Variants in AKAP9 observed in about 807,000 individuals in gnomAD.
AKAP9 encodes the protein A-kinase anchoring protein 9.
A neutral mutation model predicts 488.5 loss-of-function variants in AKAP9; 311 were observed. That is an observed-to-expected ratio of 0.64 (90% confidence interval 0.58 to 0.70). The LOEUF (loss-of-function observed/expected upper bound fraction) is 0.70. Ranked by LOEUF, AKAP9 falls within the 30% of genes least tolerant of loss-of-function variation. The probability of loss-of-function intolerance (pLI) is 0.00; values close to 1 mark genes in which losing one functional copy is unlikely to be tolerated. For missense variants in AKAP9, 4,215 were observed against 4,374.5 expected (o/e 0.96, Z 1.03); for synonymous variants, 1,462 against 1,483.5 (o/e 0.99, Z 0.33).
At chr7:92,095,929 C>G (rs1387365165) in intron 40 of AKAP9, among the ~76,000 whole-genome samples, 1 of 152,114 alleles carries the variant, frequency 6.6e-6, no homozygotes, top group African/African-American at 2.4e-5. Context: ...GTTATTTGCC[C>G]CTAACCTTGC....
chr7:91,993,152 T>C, intron 5 of AKAP9, 97 bp downstream of exon 5: 1 of 1,361,284 alleles, frequency 7.3e-7, no homozygotes, highest in South Asian at 1.3e-5. Flanking sequence ...TTTTTAAAAT[T>C]TTTTTTTAAC....
chr7:92,048,286 G>A (rs1033544727), intron 21 of AKAP9, among the ~76,000 whole-genome samples: 1 of 152,060 alleles, frequency 6.6e-6, no homozygotes, highest in Non-Finnish European at 1.5e-5. Flanking sequence ...TCAGCCTTCA[G>A]GTCTGAACTT....
chr7:91,954,041 T>G (rs1018619373), intron 1 of AKAP9, among the ~76,000 whole-genome samples: 1 of 151,964 alleles, frequency 6.6e-6, no homozygotes, highest in Non-Finnish European at 1.5e-5. Flanking sequence ...AAAGAGAGGG[T>G]TATTGTAAAG....
Position 92,084,703 on chromosome 7 carries a change from G to A in AKAP9, c.8710G>A (p.Asp2904Asn). The A allele has an allele frequency of 6.2e-7, 1 of 1,609,926 alleles. No homozygotes were observed. Among genetic ancestry groups the A allele is most frequent in the Non-Finnish European group, 8.5e-7 (1 of 1,176,746 alleles). ...AYQTREICSSDSGSDWGQGIY... is the reference protein window; with the variant it reads ...AYQTREICSSNSGSDWGQGIY... Reference sequence around the variant, plus strand: ...CCAGACTAGAGAAATATGCTCCAGTGGTAAGTTATATAAATATTTGTAATG... The same window carrying A: ...CCAGACTAGAGAAATATGCTCCAGTAGTAAGTTATATAAATATTTGTAATG... Residue 2904 changes from aspartate to asparagine, a missense_variant and splice_region_variant, in exon 34 of 50, where the codon GAT (aspartate) becomes AAT (asparagine). Physicochemically the swap from Asp to Asn is conservative, Grantham distance 23 (BLOSUM62 1). Coordinates refer to ENST00000356239, the MANE Select transcript of AKAP9 (RefSeq NM_005751.5).
chr7:92,091,604 A>AC (rs1563128726), intron 38 of AKAP9, among the ~76,000 whole-genome samples: 6 of 151,190 alleles, frequency 4.0e-5, no homozygotes, highest in Admixed American at 6.6e-5. Context: ...AAAACAAAAA[A>AC]AAAAAACAAA....
chr7:92,060,004 G>T (rs770671540), intron 22 of AKAP9, among the ~76,000 whole-genome samples: 2 of 151,802 alleles, frequency 1.3e-5, no homozygotes, highest in Non-Finnish European at 2.9e-5. Context: ...TTGCAAATAA[G>T]TTATAAGTGA....
intron 16 of AKAP9, 64 bp downstream of exon 16, chr7:92,031,668 A>G: frequency 7.9e-7 from 1 of 1,265,682 alleles, no homozygotes; most frequent in South Asian, 1.2e-5. Context: ...TTCAAAAAGA[A>G]CATAGATTTT....
chr7:92,077,181 C>T (rs1351499281), intron 29 of AKAP9, among the ~76,000 whole-genome samples, 174 bp downstream of exon 29: 10 of 144,204 alleles, frequency 6.9e-5, no homozygotes, highest in South Asian at 2.2e-4. Flanking sequence ...TTGCAAGCTC[C>T]GCCTCCCTGG....
At chr7:92,026,568 C>T (rs891336913) in intron 14 of AKAP9, among the ~76,000 whole-genome samples, 18 of 152,152 alleles carry the variant, frequency 1.2e-4, no homozygotes, top group Non-Finnish European at 2.6e-4. Context: ...CTCCTGACCT[C>T]GAGTGATCTG....
chr7:92,058,268 T>G, intron 22 of AKAP9: 2 of 587,248 alleles, frequency 3.4e-6, no homozygotes, highest in South Asian at 1.4e-5. Flanking sequence ...TCGCGTGCCT[T>G]TACCACATCC....
chr7:92,040,727 G>A lies in AKAP9; in HGVS notation c.4746G>A (p.Leu1582=). 6.3e-7 allele frequency: 1 copy of A among 1,599,780 alleles called. No individual in the cohort carries two copies. Among genetic ancestry groups the A allele is most frequent in the South Asian group, 1.1e-5 (1 of 90,722 alleles). The part of the protein sequence containing the change: ...SSMDASRQLM[L]NEEQLEDMRQ... ...TGGATGCTTCTAGACAACTAATGTT[G>A]AATGAAGAACAGTTGGAAGATATGA... Residue 1582 remains leucine (L), a synonymous_variant, in exon 18 of 50, where the codon TTG becomes TTA. Coordinates refer to ENST00000356239, the MANE Select transcript of AKAP9 (RefSeq NM_005751.5).
intron 31 of AKAP9, among the ~76,000 whole-genome samples, chr7:92,081,497 A>ATGTT (rs1370452281): frequency 1.2e-5 from 1 of 85,380 alleles, no homozygotes; most frequent in African/African-American, 4.0e-5. Context: ...ATATATATAT[A>ATGTT]TTTTTTTTTT....
At chr7:91,998,665 T>G (rs950871465) in intron 7 of AKAP9, among the ~76,000 whole-genome samples, 2 of 151,894 alleles carry the variant, frequency 1.3e-5, no homozygotes, top group Non-Finnish European at 2.9e-5. Flanking sequence ...AACAGAAAAG[T>G]TAAATTTTGT....
rs770483120 is a variant in AKAP9, at chr7:92,107,323, C to T, written c.11447C>T (p.Ser3816Phe). 8 of 1,613,700 alleles carry T rather than the reference C, an allele frequency of 5.0e-6. No individual in the cohort carries two copies. In the East Asian group the frequency reaches 1.6e-4, roughly 31 times the overall value. Residue 3816 changes from serine (S) to phenylalanine (F), a missense_variant, in exon 48 of 50, where the codon TCT becomes TTT. By Grantham distance (155) the Ser-to-Phe change is radical. Around this residue, in one of 5 missense-constraint regions of AKAP9, gnomAD observed 253 missense variants for 266.8 expected, o/e 0.95. Coordinates refer to ENST00000356239, the MANE Select transcript of AKAP9 (RefSeq NM_005751.5). ...GAEKTDSFYH[S>F]SGGLELYGEP... ...GAAAAGACTGACTCATTTTATCATT[C>T]TTCTGGTGGGCTGGAGTTATATGGA...
At chr7:91,947,452 C>T (rs1791604622) in intron 1 of AKAP9, among the ~76,000 whole-genome samples, 1 of 151,516 alleles carries the variant, frequency 6.6e-6, no homozygotes, top group African/African-American at 2.4e-5. Context: ...TAGCTATTCT[C>T]CTGCCTCAGC....
At chr7:91,991,179 G>A (rs1797700455) in intron 3 of AKAP9, among the ~76,000 whole-genome samples, 1 of 152,132 alleles carries the variant, frequency 6.6e-6, no homozygotes, top group Non-Finnish European at 1.5e-5. Context: ...TACACTGATA[G>A]GCTACAGTAA....
intron 49 of AKAP9, 172 bp downstream of exon 49, chr7:92,108,805 T>G (rs369872402): frequency 1.3e-6 from 1 of 781,498 alleles, no homozygotes; most frequent in Non-Finnish European, 2.2e-6. Context: ...AGAAACTGAC[T>G]TTAAATAATT....
intron 28 of AKAP9, among the ~76,000 whole-genome samples, chr7:92,071,918 A>G (rs1339410231): frequency 1.3e-5 from 2 of 152,150 alleles, no homozygotes; most frequent in Non-Finnish European, 2.9e-5. Flanking sequence ...TCTCACTATC[A>G]CATAATACTG....
intron 1 of AKAP9, among the ~76,000 whole-genome samples, chr7:91,952,054 C>G (rs1312881678): frequency 2.0e-5 from 3 of 152,116 alleles, no homozygotes; most frequent in Non-Finnish European, 4.4e-5. Flanking sequence ...CATCTTAAAA[C>G]ACCCTTTTCA....
Sources: allele counts gnomAD v4.1 joint callset (sites outside exome capture counted in the v4.1 genomes callset), GRCh38; gene constraint gnomAD v4.1.1; regional missense constraint gnomAD v4.1.1; transcripts MANE v1.5; gene names NCBI Gene and HGNC (gene_info 2026-07-23, HGNC 2026-07-21).